The following HMCN1 variants were observed in gnomAD, a reference collection of about 807,000 sequenced individuals.
HMCN1 encodes hemicentin-1.
Under a neutral mutation model 625.9 loss-of-function variants are expected in HMCN1, and 321 were observed. The observed-to-expected ratio is 0.51, with a 90% CI of 0.47 to 0.56. HMCN1 has a LOEUF of 0.56. Among genes scored for constraint, HMCN1 ranks in the 20% least tolerant of loss-of-function variants. The pLI, the probability that HMCN1 is intolerant of heterozygous loss-of-function variation, is 0.00. For missense variants in HMCN1, 6,588 were observed against 6,887.3 expected, an observed-to-expected ratio of 0.96 and a Z score of 1.54; for synonymous variants, 2,425 against 2,417.6, an observed-to-expected ratio of 1.00 and a Z score of -0.09.
chr1:185,820,778 A>G (rs1660135978), intron 1 of HMCN1, among the ~76,000 whole-genome samples: 2 of 152,258 alleles, frequency 1.3e-5, no homozygotes, highest in Admixed American at 6.5e-5. Flanking sequence ...AGAATATGTA[A>G]TATTTTAGTG....
chr1:186,139,815 A>G (rs1259878285), intron 89 of HMCN1, among the ~76,000 whole-genome samples: 1 of 152,134 alleles, frequency 6.6e-6, no homozygotes, highest in Admixed American at 6.6e-5. Context: ...AAAATTAGCG[A>G]TGCTACAAGT....
intron 97 of HMCN1, among the ~76,000 whole-genome samples, chr1:186,154,818 T>C (rs747310425): frequency 2.0e-5 from 3 of 152,178 alleles, no homozygotes; most frequent in African/African-American, 4.8e-5. Context: ...CAACCCTTGA[T>C]CTAAGTAGTC....
In HMCN1 at chr1:186,189,600, G is replaced by A. The variant is rs1653583925; in HGVS notation, c.16630G>A (p.Gly5544Arg). The A allele has an allele frequency of 6.2e-7, 1 of 1,613,388 alleles. No homozygotes were observed. The highest frequency in any genetic ancestry group is 1.1e-5 in the South Asian group (1 of 91,004). ...LEYKLVSLPF[G>R]IATNQDLIRL... ...ATACAAACTCGTCTCCCTCCCATTT[G>A]GAATAGCCACCAATCAAGATTTAAT... Residue 5544 changes from glycine (G) to arginine (R), a missense_variant, in exon 107 of 107, where the codon GGA (glycine) becomes AGA (arginine). Coordinates refer to ENST00000271588, the MANE Select transcript of HMCN1 (RefSeq NM_031935.3).
intron 87 of HMCN1, 140 bp downstream of exon 87, chr1:186,137,077 A>C (rs1169870345): frequency 1.0e-5 from 11 of 1,056,818 alleles, no homozygotes; most frequent in Non-Finnish European, 1.6e-5. Flanking sequence ...AATCATCAAA[A>C]TTTACAGATT....
At chr1:185,761,758 A>G (rs1186966381) in intron 1 of HMCN1, among the ~76,000 whole-genome samples, 1 of 152,196 alleles carries the variant, frequency 6.6e-6, no homozygotes, top group Non-Finnish European at 1.5e-5. Context: ...CCATTTTGGT[A>G]GTATAGGACG....
At chr1:185,782,606 A>C (rs1217796478) in intron 1 of HMCN1, among the ~76,000 whole-genome samples, 1 of 152,190 alleles carries the variant, frequency 6.6e-6, no homozygotes, top group African/African-American at 2.4e-5. Flanking sequence ...TCACTTATGA[A>C]GCTTAGTTTG....
chr1:186,182,426 C>A, intron 105 of HMCN1, 139 bp downstream of exon 105: 2 of 987,554 alleles, frequency 2.0e-6, no homozygotes, highest in Non-Finnish European at 3.1e-6. Flanking sequence ...TATGTTCAGA[C>A]ATTGCTTTTG....
At chr1:185,841,264 T>C (rs1661462597) in intron 1 of HMCN1, among the ~76,000 whole-genome samples, 1 of 152,122 alleles carries the variant, frequency 6.6e-6, no homozygotes, top group Non-Finnish European at 1.5e-5. Context: ...AAATAAAAAA[T>C]GGTTTCTGAA....
chr1:186,012,431 A>C (rs911317083), intron 30 of HMCN1, among the ~76,000 whole-genome samples: 3 of 151,288 alleles, frequency 2.0e-5, no homozygotes, highest in African/African-American at 7.3e-5. Flanking sequence ...TTGGTTCCTC[A>C]AATAAACAAG....
chr1:185,781,245 CTTT>C (rs1437103539), intron 1 of HMCN1, among the ~76,000 whole-genome samples: 1 of 151,928 alleles, frequency 6.6e-6, no homozygotes, highest in Non-Finnish European at 1.5e-5. Context: ...CTCTTTTCTT[CTTT>C]ATTAGTCTTG....
chr1:186,097,222 G>A (rs534505900), intron 68 of HMCN1, among the ~76,000 whole-genome samples: 20 of 152,190 alleles, frequency 1.3e-4, no homozygotes, highest in South Asian at 1.2e-3. Flanking sequence ...AATCAGTAGC[G>A]TTTCTATTTG....
intron 100 of HMCN1, among the ~76,000 whole-genome samples, chr1:186,170,363 T>C (rs1652147394): frequency 6.6e-6 from 1 of 152,212 alleles, no homozygotes; most frequent in African/African-American, 2.4e-5. Flanking sequence ...TATAAATTAG[T>C]TCAATCATTG....
rs1055730364 is a variant in HMCN1 at position 185,860,672 on chromosome 1, A to C, written c.340-3798A>C. 2.6e-5 allele frequency among the ~76,000 whole-genome samples: 4 copies of C among 152,114 alleles called. 1 individual carries two copies. The highest frequency in any genetic ancestry group is 6.5e-5 in the Admixed American group (1 of 15,272). On this transcript the variant is annotated intron_variant, in intron 2 of 106. Transcript: ENST00000271588. ...CCTGGCTGCTTTGAGACTTTTTGTT[A>C]GTTCTTTCATAAAAGTCAAATAATT...
At chr1:185,857,739 T>G (rs1436285225) in intron 2 of HMCN1, among the ~76,000 whole-genome samples, 1 of 152,186 alleles carries the variant, frequency 6.6e-6, no homozygotes, top group Non-Finnish European at 1.5e-5. Flanking sequence ...ATGTCAAGAT[T>G]GCTTTGCAAA....
At position 186,128,218 on chromosome 1, in the gene HMCN1, A is replaced by G. The variant is rs1455418380; in HGVS notation, c.12831A>G (p.Leu4277=). The change falls in exon 83 of 107, where the codon CTA becomes CTG. Residue 4277 remains leucine (L), a synonymous_variant. Transcript: ENST00000271588. ...TGTCATTAAATAAAGGAGAACAGCT[A>G]CGATTAAGCTGTAAAGCTACTGGTA... ...GDVSLNKGEQ[L]RLSCKATGIP... The G allele has an allele frequency of 1.9e-6, 3 of 1,613,456 alleles. No individual in the cohort carries two copies. The highest frequency in any genetic ancestry group is 2.5e-6 in the Non-Finnish European group (3 of 1,179,640).
At chr1:186,129,258 T>G (rs935497597) in intron 83 of HMCN1, among the ~76,000 whole-genome samples, 3 of 151,624 alleles carry the variant, frequency 2.0e-5, no homozygotes, top group Non-Finnish European at 2.9e-5. Context: ...TATTTAGATA[T>G]GGACTGGTTT....
chr1:186,122,862 A>C, intron 80 of HMCN1, 89 bp from the exon 81 acceptor site: 1 of 1,361,740 alleles, frequency 7.3e-7, no homozygotes, highest in Non-Finnish European at 1.0e-6. Flanking sequence ...TTTCTTATCA[A>C]TGTTTGCTAG....
intron 1 of HMCN1, among the ~76,000 whole-genome samples, chr1:185,739,368 A>G (rs1183884227): frequency 6.6e-6 from 1 of 152,174 alleles, no homozygotes; most frequent in East Asian, 1.9e-4. Flanking sequence ...CTTTTTACAT[A>G]GCACTCAAAA....
intron 1 of HMCN1, among the ~76,000 whole-genome samples, chr1:185,765,475 TG>T (rs568284906): frequency 1.1e-3 from 168 of 152,304 alleles, no homozygotes; most frequent in African/African-American, 3.8e-3. Context: ...TGCTAAGTAC[TG>T]GGTACTATTT....
Sources: allele counts gnomAD v4.1 joint callset (sites outside exome capture counted in the v4.1 genomes callset), GRCh38; gene constraint gnomAD v4.1.1; transcripts MANE v1.5; gene names NCBI Gene and HGNC (gene_info 2026-07-23, HGNC 2026-07-21).